The following GALNT9 variants were observed in gnomAD, a reference collection of about 807,000 sequenced individuals.
GALNT9 encodes the protein polypeptide N-acetylgalactosaminyltransferase 9.
In GALNT9, 47 loss-of-function variants were observed where a neutral mutation model predicts 63.1. The ratio of observed to expected loss-of-function variants is 0.75; its 90% CI spans 0.59 to 0.95. GALNT9 has a LOEUF of 0.95. Among genes scored for constraint, GALNT9 ranks in the 40% least tolerant of loss-of-function variants. GALNT9 has a pLI of 0.00. For missense variants in GALNT9, 829 were observed against 874.8 expected (o/e 0.95, Z 0.66); for synonymous variants, 396 against 365.7 (o/e 1.08, Z -0.94).
chr12:132,259,830 G>A (rs1387543960), intron 4 of GALNT9, among the ~76,000 whole-genome samples: 6 of 152,200 alleles, frequency 3.9e-5, no homozygotes, highest in Non-Finnish European at 8.8e-5. Flanking sequence ...TCCCTGAGTT[G>A]AAAAATGAGT....
intron 10 of GALNT9, among the ~76,000 whole-genome samples, chr12:132,197,574 G>A (rs1279686243): frequency 2.7e-5 from 4 of 148,750 alleles, no homozygotes; most frequent in South Asian, 2.1e-4. Context: ...TGTCCAGCCC[G>A]ACCCCTCTCT....
intron 1 of GALNT9, among the ~76,000 whole-genome samples, chr12:132,307,548 A>G (rs1881657920): frequency 6.6e-6 from 1 of 152,052 alleles, no homozygotes; most frequent in Non-Finnish European, 1.5e-5. Context: ...ATAAGAGAGA[A>G]GCGGGCCGGA....
At chr12:132,203,433 G>T in intron 7 of GALNT9, 72 bp downstream of exon 7, 2 of 1,491,272 alleles carry the variant, frequency 1.3e-6, no homozygotes, top group South Asian at 1.2e-5. Context: ...GCCTCCCTCC[G>T]GCCCAGCCCT....
intron 6 of GALNT9, among the ~76,000 whole-genome samples, chr12:132,229,681 T>C (rs1877823421): frequency 6.6e-6 from 1 of 152,198 alleles, no homozygotes. Context: ...GTTGGCAAGC[T>C]TAGCTGGGAA....
intron 4 of GALNT9, among the ~76,000 whole-genome samples, chr12:132,260,551 G>T (rs982094482): frequency 2.6e-5 from 4 of 152,202 alleles, no homozygotes; most frequent in Non-Finnish European, 5.9e-5. Flanking sequence ...CTGCACCTTA[G>T]CCCCACCCCA....
At chr12:132,281,762 A>G (rs1555241688) in intron 2 of GALNT9, among the ~76,000 whole-genome samples, 1 of 152,012 alleles carries the variant, frequency 6.6e-6, no homozygotes. Context: ...AAGGAGAGCA[A>G]GAGCCCCCAC....
intron 5 of GALNT9, among the ~76,000 whole-genome samples, chr12:132,251,501 T>A (rs1405680098): frequency 6.6e-6 from 1 of 152,156 alleles, no homozygotes; most frequent in Non-Finnish European, 1.5e-5. Context: ...ACTCCTTAAA[T>A]CCTTGGAGCT....
intron 6 of GALNT9, among the ~76,000 whole-genome samples, chr12:132,230,008 G>C (rs1877832368): frequency 6.6e-6 from 1 of 152,164 alleles, no homozygotes; most frequent in Non-Finnish European, 1.5e-5. Flanking sequence ...AGGCCGACCT[G>C]GGTCCCGGTG....
chr12:132,295,488 C>T (rs555584842), intron 1 of GALNT9, among the ~76,000 whole-genome samples: 2 of 152,196 alleles, frequency 1.3e-5, no homozygotes, highest in African/African-American at 4.8e-5. Context: ...GGAGGTAGTG[C>T]GGGAGTCGGG....
chr12:132,202,216 C>T (rs891550982), intron 7 of GALNT9, among the ~76,000 whole-genome samples: 9 of 152,352 alleles, frequency 5.9e-5, no homozygotes, highest in East Asian at 3.9e-4. Context: ...AGGCATTTGC[C>T]GGCCTCACTG....
intron 6 of GALNT9, among the ~76,000 whole-genome samples, chr12:132,212,906 C>T (rs1182740416): frequency 9.0e-6 from 1 of 111,218 alleles, no homozygotes; most frequent in African/African-American, 3.6e-5. Context: ...CCCGGGTCTG[C>T]AGCTCTCAGA....
intron 4 of GALNT9, among the ~76,000 whole-genome samples, chr12:132,260,181 A>C (rs1879322676): frequency 6.6e-6 from 1 of 151,870 alleles, no homozygotes; most frequent in Non-Finnish European, 1.5e-5. Flanking sequence ...AGAAACAGAC[A>C]CAGGGAGGGC....
Position 132,296,972 on chromosome 12 carries a change from AAAC to A in GALNT9, c.239-10545_239-10543del, listed in dbSNP as rs2135571305. On this transcript the variant is annotated intron_variant, in intron 1 of 10. Coordinates refer to ENST00000328957, the MANE Select transcript of GALNT9 (RefSeq NM_001122636.2). This position sits in a 1 kb window ranked among gnomAD's most constrained non-coding sequence, Gnocchi z 4.2. Reference sequence around the variant, plus strand: ...CAGATAACCAACACATTCCCGAAATAAACAACACACTCCCGAGATGACCAAGTC... The same window carrying A: ...CAGATAACCAACACATTCCCGAAATAAACACACTCCCGAGATGACCAAGTC... 6.6e-6 allele frequency among the ~76,000 whole-genome samples: 1 copy of A among 152,156 alleles called. No individual in the cohort carries two copies. Among genetic ancestry groups the A allele is most frequent in the African/African-American group, 2.4e-5 (1 of 41,478 alleles).
chr12:132,257,732 G>A lies in GALNT9; in HGVS notation c.916C>T (p.Pro306Ser). 1.3e-6 allele frequency: 2 copies of A among 1,550,362 alleles called. No individual in the cohort carries two copies. Among genetic ancestry groups the A allele is most frequent in the South Asian group, 2.4e-5 (2 of 84,056 alleles). Reference protein sequence around the residue: ...WGLWCMYIIPPQDWLDRGDES... With the variant: ...WGLWCMYIIPSQDWLDRGDES... The stretch of plus-strand genomic sequence containing the variant: ...TCGCCGCGGTCCAGCCAGTCCTGCG[G>A]GGGGATGATGTACATGCACCAGAGG... Residue 306 changes from proline to serine, a missense_variant, in exon 5 of 11, where the codon CCG (proline) becomes TCG (serine). Pro to Ser is a moderately conservative substitution (Grantham distance 74). Transcript: ENST00000328957.
intron 2 of GALNT9, among the ~76,000 whole-genome samples, chr12:132,267,784 C>T (rs1280905000): frequency 1.6e-5 from 2 of 126,164 alleles, no homozygotes; most frequent in Non-Finnish European, 3.3e-5. Context: ...CACACACGCA[C>T]ACACACGCAC....
At chr12:132,248,131 TCCTGTGCCTCCTC>T in intron 5 of GALNT9, 104 bp from the exon 6 acceptor site, 2 of 1,437,544 alleles carry the variant, frequency 1.4e-6, no homozygotes, top group Non-Finnish European at 1.8e-6. Flanking sequence ...CACCCCTCCC[TCCTGTGCCTCCTC>T]CCTGTGCACT....
intron 7 of GALNT9, among the ~76,000 whole-genome samples, chr12:132,202,142 G>T (rs559230315): frequency 1.9e-4 from 29 of 152,356 alleles, no homozygotes; most frequent in African/African-American, 7.0e-4. Context: ...ACTCATTGTT[G>T]CTCTGTTATG....
At chr12:132,272,897 C>T (rs1254547930) in intron 2 of GALNT9, 8 of 152,402 alleles carry the variant, frequency 5.2e-5, no homozygotes, top group African/African-American at 1.7e-4. Flanking sequence ...CACGCCTTCC[C>T]ATCCCCAGCC....
chr12:132,251,685 T>A (rs28575367), intron 5 of GALNT9, among the ~76,000 whole-genome samples: 2 of 152,012 alleles, frequency 1.3e-5, no homozygotes, highest in African/African-American at 4.8e-5. Flanking sequence ...CAGACAGGGC[T>A]CTGCAAGCTG....
Sources: allele counts gnomAD v4.1 joint callset (sites outside exome capture counted in the v4.1 genomes callset), GRCh38; gene constraint gnomAD v4.1.1; non-coding constraint Gnocchi (gnomAD v3.1); transcripts MANE v1.5; gene names NCBI Gene and HGNC (gene_info 2026-07-23, HGNC 2026-07-21).